The following CDH23 variants were observed in gnomAD, a reference collection of about 807,000 sequenced individuals.
CDH23 encodes the protein cadherin-23.
In CDH23, 189 loss-of-function variants were observed where a neutral mutation model predicts 317.1. That is an observed-to-expected ratio of 0.60 (90% confidence interval 0.53 to 0.67). The LOEUF (loss-of-function observed/expected upper bound fraction) is 0.67, where lower values mean the gene tolerates loss of function less well. Among genes scored for constraint, CDH23 ranks in the 30% least tolerant of loss-of-function variants. The pLI is 0.00. For synonymous variants in CDH23, 1,839 were observed against 1,876.8 expected (o/e 0.98, Z 0.52); for missense variants, 4,401 against 4,592.4 (o/e 0.96, Z 1.20).
chr10:71,722,486 C>A (rs1280618243), intron 28 of CDH23, among the ~76,000 whole-genome samples: 3 of 152,222 alleles, frequency 2.0e-5, no homozygotes, highest in Non-Finnish European at 4.4e-5. Context: ...CTCCCTGGAG[C>A]TCTGCTCCTA....
chr10:71,588,578 T>C (rs1178983966), intron 9 of CDH23, among the ~76,000 whole-genome samples: 9 of 152,194 alleles, frequency 5.9e-5, no homozygotes, highest in Non-Finnish European at 1.2e-4. Flanking sequence ...AAACAATGCC[T>C]GGATTCCTCA....
chr10:71,570,705 C>A, intron 7 of CDH23, 85 bp from the exon 8 acceptor site: 2 of 1,472,684 alleles, frequency 1.4e-6, no homozygotes, highest in Non-Finnish European at 9.3e-7. Context: ...CTGCACGGTG[C>A]AGGTCTGTGT....
chr10:71,737,777 C>T (rs1199183195), intron 34 of CDH23: 1 of 469,266 alleles, frequency 2.1e-6, no homozygotes, highest in Admixed American at 2.3e-5. Context: ...CTGGAGGCCT[C>T]ACCCGCGGCA....
intron 28 of CDH23, chr10:71,713,879 G>T (rs1032365977): frequency 6.5e-6 from 1 of 153,014 alleles, no homozygotes; most frequent in East Asian, 1.9e-4. Flanking sequence ...CCTAGGATTT[G>T]CAGGGAGGCC....
intron 3 of CDH23, among the ~76,000 whole-genome samples, chr10:71,493,896 T>G (rs1198801681): frequency 6.6e-6 from 1 of 152,226 alleles, no homozygotes; most frequent in Admixed American, 6.5e-5. Context: ...ATCTCTTATA[T>G]ACCTACCTGC....
intron 14 of CDH23, among the ~76,000 whole-genome samples, chr10:71,666,256 G>A (rs111822111): frequency 1.3e-5 from 2 of 152,040 alleles, no homozygotes; most frequent in South Asian, 4.2e-4. Context: ...AGAAGGCCCA[G>A]AGCAGGCACG....
intron 62 of CDH23, 54 bp downstream of exon 62, chr10:71,810,623 G>C: frequency 6.6e-7 from 1 of 1,512,772 alleles, no homozygotes; most frequent in Non-Finnish European, 9.2e-7. Context: ...CTGCCTCCCT[G>C]CCCTGGAGTA....
chr10:71,418,661 A>G (rs1361047710), intron 1 of CDH23, among the ~76,000 whole-genome samples: 1 of 152,224 alleles, frequency 6.6e-6, no homozygotes, highest in African/African-American at 2.4e-5. Flanking sequence ...CTGGATCGTC[A>G]TACCGTAGCT....
chr10:71,805,055 G>T (rs1841669573), intron 55 of CDH23, among the ~76,000 whole-genome samples: 1 of 152,222 alleles, frequency 6.6e-6, no homozygotes, highest in African/African-American at 2.4e-5. Context: ...ACTTTCAGTT[G>T]TCATGATCCA....
chr10:71,484,738 G>C (rs1852251688), intron 3 of CDH23, among the ~76,000 whole-genome samples: 1 of 152,162 alleles, frequency 6.6e-6, no homozygotes, highest in Non-Finnish European at 1.5e-5. Context: ...TTTTCATTAA[G>C]TGCAATGCCT....
At chr10:71,645,604 A>G (rs754480906) in intron 12 of CDH23, 3 of 730,778 alleles carry the variant, frequency 4.1e-6, no homozygotes, top group Admixed American at 1.7e-5. Flanking sequence ...CGACAGCACA[A>G]GGAAGGAAAA....
intron 9 of CDH23, among the ~76,000 whole-genome samples, chr10:71,603,920 T>G (rs936872240): frequency 6.6e-6 from 1 of 152,130 alleles, no homozygotes; most frequent in South Asian, 2.1e-4. Context: ...TGAACAAACA[T>G]GTGAAGCGCT....
intron 2 of CDH23, among the ~76,000 whole-genome samples, chr10:71,441,234 C>G (rs889923388): frequency 1.3e-5 from 2 of 150,298 alleles, no homozygotes; most frequent in South Asian, 4.2e-4. Flanking sequence ...CAGGATATCA[C>G]CCCCCTCACC....
At chr10:71,695,630 C>T in intron 22 of CDH23, 105 bp downstream of exon 22, 1 of 746,940 alleles carries the variant, frequency 1.3e-6, no homozygotes, top group Non-Finnish European at 2.3e-6. Context: ...CTGGTGGACT[C>T]TGTGTCCCTC....
At chr10:71,755,413 G>C (rs1320024049) in intron 38 of CDH23, 6 of 1,613,568 alleles carry the variant, frequency 3.7e-6, no homozygotes, top group Non-Finnish European at 5.1e-6. Flanking sequence ...ATGAGGGGGA[G>C]GCAGAGGATT....
intron 19 of CDH23, among the ~76,000 whole-genome samples, chr10:71,689,120 AGCCAGGG>A (rs1564734059): frequency 2.0e-4 from 27 of 135,618 alleles, no homozygotes; most frequent in Non-Finnish European, 2.4e-4. Flanking sequence ...GGGGTGGTGG[AGCCAGGG>A]GTGGTGGAGC....
chr10:71,770,628 G>A (rs1487732727), intron 38 of CDH23, among the ~76,000 whole-genome samples: 3 of 152,168 alleles, frequency 2.0e-5, no homozygotes, highest in Admixed American at 1.3e-4. Context: ...TGTGGGGCTC[G>A]CTCACTGCCA....
intron 42 of CDH23, 109 bp downstream of exon 42, chr10:71,784,529 C>T: frequency 6.9e-7 from 1 of 1,454,762 alleles, no homozygotes; most frequent in Non-Finnish European, 9.3e-7. Context: ...ACAGGCTGCC[C>T]TGGAGCCAGG....
intron 6 of CDH23, among the ~76,000 whole-genome samples, chr10:71,530,540 CG>C: frequency 6.6e-6 from 1 of 152,204 alleles, no homozygotes; most frequent in Non-Finnish European, 1.5e-5. Flanking sequence ...GGCATGGCAT[CG>C]GGGGGCAGGT....
Sources: gnomAD v4.1 joint callset for allele counts (sites outside exome capture counted in the v4.1 genomes callset) on GRCh38, gnomAD v4.1.1 for gene constraint, MANE v1.5 for transcripts, NCBI Gene and HGNC (gene_info 2026-07-23, HGNC 2026-07-21) for gene names.